The following PLCH2 variants were observed in gnomAD, a reference collection of about 807,000 sequenced individuals.
The protein encoded by PLCH2 is phospholipase C eta 2.
Under a neutral mutation model 134.7 loss-of-function variants are expected in PLCH2, and 98 were observed. The ratio of observed to expected loss-of-function variants is 0.73; its 90% CI spans 0.62 to 0.86. The LOEUF (loss-of-function observed/expected upper bound fraction) is 0.86, where lower values mean the gene tolerates loss of function less well. PLCH2 is among the 40% of genes least tolerant of loss of function. PLCH2 has a pLI of 0.00. For missense variants in PLCH2, 1,994 were observed against 1,986.6 expected (o/e 1.00, Z -0.07); for synonymous variants, 974 against 827.5 (o/e 1.18, Z -3.04).
rs1639600024 is a variant in PLCH2, at chr1:2,439,724, C to T, written c.115+9095C>T. Among the ~76,000 whole-genome samples, 1 of 152,200 alleles carries T rather than the reference C, an allele frequency of 6.6e-6. No homozygotes were observed. Among genetic ancestry groups the T allele is most frequent in the African/African-American group, 2.4e-5 (1 of 41,444 alleles). Reference sequence around the variant, plus strand: ...TCTGTTCACCTGGGGCTGACACTGCCACCCTCGGGGGAGAGTCCCGGGGTC... The same window carrying T: ...TCTGTTCACCTGGGGCTGACACTGCTACCCTCGGGGGAGAGTCCCGGGGTC... On this transcript the variant is annotated intron_variant, in intron 2 of 3. Transcript: ENST00000609981. This position sits in a 1 kb window ranked among gnomAD's most constrained non-coding sequence, Gnocchi z 4.7.
chr1:2,443,461 C>G (rs934216714), intron 2 of PLCH2, among the ~76,000 whole-genome samples: 8 of 152,166 alleles, frequency 5.3e-5, no homozygotes, highest in Non-Finnish European at 8.8e-5. Flanking sequence ...GGCCCCGCCC[C>G]CTTCCCGGTC....
At chr1:2,429,556 G>A (rs1638966952) in intron 1 of PLCH2, among the ~76,000 whole-genome samples, 1 of 152,188 alleles carries the variant, frequency 6.6e-6, no homozygotes, top group Non-Finnish European at 1.5e-5. Context: ...GCCAGGACGA[G>A]GAGGCTGTTT....
chr1:2,455,467 C>G (rs1168372068), intron 2 of PLCH2, among the ~76,000 whole-genome samples: 1 of 152,176 alleles, frequency 6.6e-6, no homozygotes, highest in Admixed American at 6.5e-5. Flanking sequence ...AGGGAGAGCA[C>G]GTAGGGGCAC....
chr1:2,422,449 G>A (rs1444434067), upstream of PLCH2, among the ~76,000 whole-genome samples: 1 of 152,242 alleles, frequency 6.6e-6, no homozygotes, highest in Non-Finnish European at 1.5e-5. Flanking sequence ...GTCGCAGTGT[G>A]TTTTGGTTGA....
At position 2,489,285 on chromosome 1, in the gene PLCH2, C is replaced by G. The variant is rs775891438; in HGVS notation, c.1314C>G (p.Ile438Met). The change falls in exon 9 of 22, where the codon ATC (isoleucine) becomes ATG (methionine). Residue 438 changes from isoleucine (I) to methionine (M), a missense_variant. Around this residue, in one of 2 missense-constraint regions of PLCH2, gnomAD observed 1,094 missense variants for 1,234.3 expected, o/e 0.89. Coordinates refer to ENST00000378486, the MANE Select transcript of PLCH2 (RefSeq NM_014638.4). ...AAATGGCCCAGTATCTGACTGACAT[C>G]CTTGGGGACAAGCTGGACCTGTCAT... ...QKKMAQYLTD[I>M]LGDKLDLSSV... 1 of 1,613,868 alleles carries G rather than the reference C, an allele frequency of 6.2e-7. No homozygotes were observed. The highest frequency in any genetic ancestry group is 8.5e-7 in the Non-Finnish European group (1 of 1,179,838).
upstream of PLCH2, among the ~76,000 whole-genome samples, chr1:2,473,551 A>G (rs1641447951): frequency 6.6e-6 from 1 of 152,178 alleles, no homozygotes; most frequent in Non-Finnish European, 1.5e-5. Context: ...CAGTGTGGAC[A>G]CTGGCTCCCG....
chr1:2,443,872 C>T (rs1212179563), intron 2 of PLCH2, among the ~76,000 whole-genome samples: 53 of 150,510 alleles, frequency 3.5e-4, no homozygotes, highest in East Asian at 3.9e-4. Flanking sequence ...CGGCCGCTGA[C>T]TGCGCCTCCC....
chr1:2,479,609 T>A, intron 2 of PLCH2, 125 bp from the exon 3 acceptor site: 1 of 970,316 alleles, frequency 1.0e-6, no homozygotes, highest in Non-Finnish European at 1.5e-6. Flanking sequence ...CCCTGAGCCC[T>A]GCCGAGGGTC....
At chr1:2,489,614 G>T (rs1642459943) in intron 9 of PLCH2, 146 bp from the exon 10 acceptor site, 1 of 743,796 alleles carries the variant, frequency 1.3e-6, no homozygotes, top group East Asian at 2.7e-5. Flanking sequence ...GAGCTGGCCA[G>T]TCTGGCCCCT....
intron 2 of PLCH2, among the ~76,000 whole-genome samples, chr1:2,433,378 C>T (rs7514896): frequency 1.4e-4 from 22 of 152,192 alleles, no homozygotes; most frequent in African/African-American, 3.9e-4. Flanking sequence ...CCTACTTGGC[C>T]GGGGGCTGCT....
Position 2,497,690 on chromosome 1 carries a change from C to T in PLCH2, c.2224+81C>T. The stretch of plus-strand genomic sequence containing the variant: ...GGTGTCCCCAGAACAGAGATCGGAG[C>T]CCCACAGGCTAGCAAGGGGGTGGGG... On this transcript the variant is annotated intron_variant, in intron 16 of 21. Coordinates refer to ENST00000378486, the MANE Select transcript of PLCH2 (RefSeq NM_014638.4). The T allele has an allele frequency of 3.0e-6, 3 of 992,980 alleles. No homozygotes were observed. In the South Asian group the frequency reaches 4.5e-5, roughly 15 times the overall value. The allele number at this position is 992,980 out of a possible 1,614,324, so 61.5% of individuals were successfully genotyped here. A position where few individuals can be genotyped will look rare whatever the true frequency, so the allele number is the denominator to read the frequency against.
intron 1 of PLCH2, among the ~76,000 whole-genome samples, chr1:2,470,115 A>G (rs1342924867): frequency 6.6e-6 from 1 of 152,134 alleles, no homozygotes; most frequent in African/African-American, 2.4e-5. Flanking sequence ...GGTCCCTTCC[A>G]CCGCTCAGAC....
chr1:2,490,018 G>C (rs1397726026), intron 10 of PLCH2, among the ~76,000 whole-genome samples, 151 bp downstream of exon 10: 1 of 152,120 alleles, frequency 6.6e-6, no homozygotes, highest in Non-Finnish European at 1.5e-5. Context: ...GGGCCTGGGG[G>C]GTCCTCCCTG....
intron 4 of PLCH2, among the ~76,000 whole-genome samples, chr1:2,480,565 G>A (rs1641906775): frequency 6.6e-6 from 1 of 151,842 alleles, no homozygotes; most frequent in Non-Finnish European, 1.5e-5. Context: ...CCAGCTCTGG[G>A]GAAAGTGGTC....
chr1:2,502,292 G>A lies in PLCH2; in HGVS notation c.2842G>A (p.Val948Ile), dbSNP rs1278223102. The part of the protein sequence containing the change: ...KPGRRGFPEL[V>I]LGTRDTGSKG... ...GGGCCGCAGGGGCTTCCCGGAGCTG[G>A]TCCTGGGTACACGGGACACAGGCTC... is the stretch of plus-strand genomic sequence containing the variant. Residue 948 changes from valine (V) to isoleucine (I), a missense_variant, in exon 21 of 22, where the codon GTC becomes ATC. By Grantham distance (29) the Val-to-Ile change is conservative (BLOSUM62 3). Transcript: ENST00000378486. The A allele has an allele frequency of 2.6e-6, 4 of 1,538,112 alleles. No individual in the cohort carries two copies. Among genetic ancestry groups the A allele is most frequent in the Non-Finnish European group, 3.5e-6 (4 of 1,143,028 alleles).
chr1:2,441,083 G>A (rs1263296313), intron 2 of PLCH2, among the ~76,000 whole-genome samples: 1 of 152,188 alleles, frequency 6.6e-6, no homozygotes, highest in African/African-American at 2.4e-5. Flanking sequence ...AGGAAGTGGA[G>A]GGGGTGGGTT....
chr1:2,448,513 A>G lies in PLCH2; in HGVS notation c.115+17884A>G, dbSNP rs1640047142. Among the ~76,000 whole-genome samples the G allele has an allele frequency of 6.6e-6, 1 of 152,084 alleles. No individual in the cohort carries two copies. Among genetic ancestry groups the G allele is most frequent in the African/African-American group, 2.4e-5 (1 of 41,392 alleles). ...TCATTCGGGACGATCTCCTCGGCGC[A>G]GGCCTTTCACTGAGCACGCCCTCAG... On this transcript the variant is annotated intron_variant, in intron 2 of 3. Transcript: ENST00000609981. This position sits in a 1 kb window ranked among gnomAD's most constrained non-coding sequence, Gnocchi z 4.0.
chr1:2,499,703 A>C lies in PLCH2; in HGVS notation c.2644A>C (p.Ser882Arg), dbSNP rs1479337663. ...CTCCATCTTCGTGCATGTGGCTGTC[A>C]GTGACATCAGCGGTAAGGTGAGTGT... Reference protein sequence around the residue: ...EASIFVHVAVSDISGKVKQAL... With the variant: ...EASIFVHVAVRDISGKVKQAL... Residue 882 changes from serine (S) to arginine (R), a missense_variant, in exon 20 of 22, where the codon AGT (serine) becomes CGT (arginine). By Grantham distance (110) the Ser-to-Arg change is moderately radical. Around this residue, in one of 2 missense-constraint regions of PLCH2, gnomAD observed 1,094 missense variants for 1,234.3 expected, o/e 0.89. Transcript: ENST00000378486. 3 of 1,591,124 alleles carry C rather than the reference A, an allele frequency of 1.9e-6. No individual in the cohort carries two copies.
In PLCH2 at chr1:2,489,093, G is replaced by T. The variant is rs541178222; in HGVS notation, c.1236-114G>T. 35 of 961,416 alleles carry T rather than the reference G, an allele frequency of 3.6e-5. No homozygotes were observed. The East Asian group carries it at 8.3e-4, about 23-fold the overall frequency. The allele number at this position is 961,416 out of a possible 1,614,324, so 59.6% of individuals were successfully genotyped here. The stretch of plus-strand genomic sequence containing the variant: ...TAATCCCAGCTATCCTGGGTTCCTG[G>T]TGAAGACCCCTCCTCATTCAATGGT... On this transcript the variant is annotated intron_variant, in intron 8 of 21. Transcript: ENST00000378486.
Sources: allele counts gnomAD v4.1 joint callset (sites outside exome capture counted in the v4.1 genomes callset), GRCh38; gene constraint gnomAD v4.1.1; regional missense constraint gnomAD v4.1.1; non-coding constraint Gnocchi (gnomAD v3.1); transcripts MANE v1.5; gene names NCBI Gene and HGNC (gene_info 2026-07-23, HGNC 2026-07-21).